Variants in INPP5A observed in about 807,000 individuals in gnomAD.
INPP5A encodes 43 kDa inositol polyphosphate 5-phophatase.
Under a neutral mutation model 65.2 loss-of-function variants are expected in INPP5A, and 14 were observed. The ratio of observed to expected loss-of-function variants is 0.21; its 90% CI spans 0.14 to 0.34. The LOEUF is 0.34. Among genes scored for constraint, INPP5A ranks in the 10% least tolerant of loss-of-function variants. INPP5A has a pLI of 1.00. For missense variants in INPP5A, 431 were observed against 545.6 expected (o/e 0.79, Z 2.09); for synonymous variants, 207 against 208.3 (o/e 0.99, Z 0.05).
intron 6 of INPP5A, among the ~76,000 whole-genome samples, chr10:132,703,147 ACTTGGTGCAGGCAAGACACCTGTC>A (rs1270621482): frequency 3.3e-5 from 5 of 152,022 alleles, no homozygotes; most frequent in African/African-American, 1.2e-4. Flanking sequence ...CACCCCTGTG[ACTTGGTGCAGGCAAGACACCTGTC>A]CCGGTCGCTT....
At position 132,618,658 on chromosome 10, in the gene INPP5A, G is replaced by T. The variant is rs751770931; in HGVS notation, c.117+10702G>T. Among the ~76,000 whole-genome samples the T allele has an allele frequency of 2.6e-5, 4 of 152,164 alleles. No individual in the cohort carries two copies. In the East Asian group the frequency reaches 7.7e-4, roughly 29 times the overall value. On this transcript the variant is annotated intron_variant, in intron 2 of 15. Coordinates refer to ENST00000368594, the MANE Select transcript of INPP5A (RefSeq NM_005539.5). The stretch of plus-strand genomic sequence containing the variant: ...TTTATGAGGGAAAGAGGTTTAATTC[G>T]CTCACGGTTCGCAGGATGTGCAGGA...
At position 132,753,191 on chromosome 10, in the gene INPP5A, G is replaced by T. The variant is rs1846528706; in HGVS notation, c.903+3346G>T. Among the ~76,000 whole-genome samples, 1 of 152,176 alleles carries T rather than the reference G, an allele frequency of 6.6e-6. No homozygotes were observed. Among genetic ancestry groups the T allele is most frequent in the Admixed American group, 6.5e-5 (1 of 15,292 alleles). The stretch of plus-strand genomic sequence containing the variant: ...TCGCACTTGCCCGAGGTGCCGGCAT[G>T]CCGAGTCAGTTGTGCCCAGAAATTG... On this transcript the variant is annotated intron_variant, in intron 11 of 15. Transcript: ENST00000368594. This position sits in a 1 kb window ranked among gnomAD's most constrained non-coding sequence, Gnocchi z 5.3.
At chr10:132,748,290 G>C (rs551533572) in intron 9 of INPP5A, among the ~76,000 whole-genome samples, 1 of 152,322 alleles carries the variant, frequency 6.6e-6, no homozygotes, top group South Asian at 2.1e-4. Flanking sequence ...GTGTAAGGCA[G>C]CAGCTGTGCC....
At chr10:132,684,393 A>G (rs1007938409) in intron 4 of INPP5A, among the ~76,000 whole-genome samples, 1 of 152,166 alleles carries the variant, frequency 6.6e-6, no homozygotes, top group African/African-American at 2.4e-5. Flanking sequence ...CTACAGGTGT[A>G]TGCATGTATG....
rs563311882 is a variant in INPP5A, at chr10:132,778,453, C to T, written c.1089+671C>T. Among the ~76,000 whole-genome samples the T allele has an allele frequency of 1.1e-3, 162 of 152,028 alleles. 4 individuals carry two copies. The South Asian group carries it at 0.033, about 31-fold the overall frequency. On this transcript the variant is annotated intron_variant, in intron 13 of 15. Coordinates refer to ENST00000368594, the MANE Select transcript of INPP5A (RefSeq NM_005539.5). Reference sequence around the variant, plus strand: ...CCCAGACTACAGGCAGGAGCCACTGCACCCGGTCAATCCTGTGATTTTTCA... The same window carrying T: ...CCCAGACTACAGGCAGGAGCCACTGTACCCGGTCAATCCTGTGATTTTTCA...
At chr10:132,714,839 T>C (rs796892942) in intron 8 of INPP5A, among the ~76,000 whole-genome samples, 3 of 151,992 alleles carry the variant, frequency 2.0e-5, no homozygotes, top group Non-Finnish European at 2.9e-5. Flanking sequence ...GGACTTCTTA[T>C]CACAGATGCG....
rs978342100 is a variant in INPP5A, at chr10:132,659,974, A to G, written c.306+9469A>G. ...CGGCATACTCCCTGTGACATGGCAC[A>G]TGACACGTGACACAACACATTCTCA... On this transcript the variant is annotated intron_variant, in intron 4 of 15. Coordinates refer to ENST00000368594, the MANE Select transcript of INPP5A (RefSeq NM_005539.5). This position sits in a 1 kb window ranked among gnomAD's most constrained non-coding sequence, Gnocchi z 5.5. Among the ~76,000 whole-genome samples the G allele has an allele frequency of 1.3e-5, 2 of 152,362 alleles. No individual in the cohort carries two copies. Among genetic ancestry groups the G allele is most frequent in the South Asian group, 4.1e-4 (2 of 4,830 alleles).
intron 4 of INPP5A, among the ~76,000 whole-genome samples, chr10:132,668,267 C>T (rs2072833310): frequency 6.6e-6 from 1 of 152,132 alleles, no homozygotes; most frequent in Non-Finnish European, 1.5e-5. Flanking sequence ...ACACGAGAGC[C>T]TCACGTTCCT....
chr10:132,659,620 C>T lies in INPP5A; in HGVS notation c.306+9115C>T, dbSNP rs1016824377. On this transcript the variant is annotated intron_variant, in intron 4 of 15. Coordinates refer to ENST00000368594, the MANE Select transcript of INPP5A (RefSeq NM_005539.5). The surrounding 1 kb of genome is among the most constrained non-coding windows in gnomAD (Gnocchi z 5.5). ...GCCATGGGTATTCTGTGCTGAGCGC[C>T]GTGGCTGATGCACACCCACCGTCCC... Among the ~76,000 whole-genome samples the T allele has an allele frequency of 4.6e-5, 7 of 152,174 alleles. No homozygotes were observed. Among genetic ancestry groups the T allele is most frequent in the Non-Finnish European group, 7.3e-5 (5 of 68,032 alleles).
intron 11 of INPP5A, among the ~76,000 whole-genome samples, chr10:132,763,710 T>TATGCATAAACATGTGCCTGC (rs1846777354): frequency 6.8e-6 from 1 of 147,670 alleles, no homozygotes; most frequent in East Asian, 2.0e-4. Context: ...CATGCCTGTG[T>TATGCATAAACATGTGCCTGC]ATGCATAAAC....
chr10:132,545,735 T>C lies in INPP5A; in HGVS notation c.75+7564T>C, dbSNP rs1290831194. 6.6e-6 allele frequency among the ~76,000 whole-genome samples: 1 copy of C among 152,188 alleles called. No homozygotes were observed. The highest frequency in any genetic ancestry group is 2.4e-5 in the African/African-American group (1 of 41,462). ...GCCCGGTGGGAACCAGGAACTGAGCTCAGAGGCTCTGGAGCCCCAAGTCGC... is the reference window on the plus strand; with the variant it reads ...GCCCGGTGGGAACCAGGAACTGAGCCCAGAGGCTCTGGAGCCCCAAGTCGC... On this transcript the variant is annotated intron_variant, in intron 1 of 15. Transcript: ENST00000368594. This position sits in a 1 kb window ranked among gnomAD's most constrained non-coding sequence, Gnocchi z 4.6.
At chr10:132,734,357 C>T (rs1460200357) in intron 9 of INPP5A, among the ~76,000 whole-genome samples, 1 of 152,224 alleles carries the variant, frequency 6.6e-6, no homozygotes, top group African/African-American at 2.4e-5. Context: ...GCCTCATTTT[C>T]CTCGTACAGC....
rs151176679 is a variant in INPP5A, at chr10:132,578,028, C to T, written c.76-29887C>T. ...TGTTTGCTAAATGTCAGCAATTTGG[C>T]CTCACTCAAAATTTGTTTTGAGATT... is the stretch of plus-strand genomic sequence containing the variant. On this transcript the variant is annotated intron_variant, in intron 1 of 15. Transcript: ENST00000368594. 1.2e-3 allele frequency among the ~76,000 whole-genome samples: 186 copies of T among 152,292 alleles called. 1 individual carries two copies. Among genetic ancestry groups the T allele is most frequent in the African/African-American group, 3.9e-3 (163 of 41,548 alleles).
At chr10:132,747,369 C>T (rs923175551) in intron 9 of INPP5A, among the ~76,000 whole-genome samples, 20 of 152,386 alleles carry the variant, frequency 1.3e-4, no homozygotes, top group African/African-American at 3.6e-4. Flanking sequence ...GGTCTGTGCT[C>T]GGAATGTCAA....
intron 11 of INPP5A, among the ~76,000 whole-genome samples, chr10:132,755,656 G>A (rs375266871): frequency 2.5e-4 from 38 of 151,452 alleles, no homozygotes; most frequent in South Asian, 2.1e-4. Flanking sequence ...ATGCATGAGC[G>A]TGAGCAGGTG....
At chr10:132,685,313 G>A (rs2073101058) in intron 4 of INPP5A, among the ~76,000 whole-genome samples, 1 of 152,250 alleles carries the variant, frequency 6.6e-6, no homozygotes, top group Non-Finnish European at 1.5e-5. Flanking sequence ...CTGGGAGCTG[G>A]CACCTGTGGT....
intron 2 of INPP5A, among the ~76,000 whole-genome samples, chr10:132,609,548 G>T (rs1302301809): frequency 6.6e-6 from 1 of 152,228 alleles, no homozygotes; most frequent in East Asian, 1.9e-4. Context: ...GACCGGCAAG[G>T]AGCAGAACCT....
chr10:132,708,606 C>A (rs561054777), intron 7 of INPP5A: 3 of 625,156 alleles, frequency 4.8e-6, no homozygotes, highest in South Asian at 4.8e-5. Flanking sequence ...GACACAGTGA[C>A]GGCCCCAGTC....
rs1231857196 is a variant in INPP5A, at chr10:132,555,172, G to A, written c.75+17001G>A. ...GGTGGCATAGATGGCATGGTGGGGT[G>A]GGGGGGTGTGGATGGCAAGCGGCAG... On this transcript the variant is annotated intron_variant, in intron 1 of 15. Transcript: ENST00000368594. The surrounding 1 kb of genome is among the most constrained non-coding windows in gnomAD (Gnocchi z 4.4). 1.3e-5 allele frequency among the ~76,000 whole-genome samples: 2 copies of A among 151,762 alleles called. No homozygotes were observed. Among genetic ancestry groups the A allele is most frequent in the Admixed American group, 6.6e-5 (1 of 15,210 alleles).
Sources: allele counts gnomAD v4.1 joint callset (sites outside exome capture counted in the v4.1 genomes callset), GRCh38; gene constraint gnomAD v4.1.1; non-coding constraint Gnocchi (gnomAD v3.1); transcripts MANE v1.5; gene names NCBI Gene and HGNC (gene_info 2026-07-23, HGNC 2026-07-21).